The following PTPN13 variants were observed in gnomAD, a reference collection of about 807,000 sequenced individuals.
PTPN13 encodes tyrosine-protein phosphatase non-receptor type 13.
Under a neutral mutation model 284.0 loss-of-function variants are expected in PTPN13, and 191 were observed. The ratio of observed to expected loss-of-function variants is 0.67; its 90% CI spans 0.60 to 0.76. The LOEUF (loss-of-function observed/expected upper bound fraction) is 0.76. PTPN13 is among the 30% of genes least tolerant of loss of function. PTPN13 has a pLI of 0.00. For missense variants in PTPN13, 2,797 were observed against 2,939.9 expected (o/e 0.95, Z 1.12); for synonymous variants, 986 against 1,022.3 (o/e 0.96, Z 0.68).
chr4:86,780,255 C>T, intron 35 of PTPN13, 147 bp from the exon 36 acceptor site: 3 of 644,916 alleles, frequency 4.7e-6, no homozygotes, highest in South Asian at 1.8e-5. Flanking sequence ...AAAAAAATAG[C>T]TGGGCATGGT....
chr4:86,688,819 C>T (rs1729717854), intron 4 of PTPN13, among the ~76,000 whole-genome samples, 186 bp from the exon 5 acceptor site: 1 of 152,114 alleles, frequency 6.6e-6, no homozygotes, highest in Admixed American at 6.6e-5. Flanking sequence ...TAACTATCTT[C>T]TGCTAATATA....
intron 24 of PTPN13, among the ~76,000 whole-genome samples, chr4:86,764,385 T>A (rs1260139731): frequency 6.6e-6 from 1 of 152,162 alleles, no homozygotes; most frequent in Non-Finnish European, 1.5e-5. Context: ...TCTTCCAACC[T>A]TTATGTTCTT....
chr4:86,762,908 T>C lies in PTPN13; in HGVS notation c.3735T>C (p.Ser1245=). The C allele has an allele frequency of 6.2e-7, 1 of 1,613,144 alleles. No individual in the cohort carries two copies. The highest frequency in any genetic ancestry group is 8.5e-7 in the Non-Finnish European group (1 of 1,179,646). The change falls in exon 24 of 48, where the codon AGT becomes AGC. Residue 1245 remains serine (S), a synonymous_variant. Coordinates refer to ENST00000411767, the MANE Select transcript of PTPN13 (RefSeq NM_080683.3). ...PSGGLREGSL[S]SQDSRTESAS... ...GGGGCCTGCGGGAAGGAAGCCTGAG[T>C]TCTCAAGATTCCAGGACTGAGAGTG...
chr4:86,684,180 C>T (rs1292611533), intron 3 of PTPN13, among the ~76,000 whole-genome samples: 3 of 151,500 alleles, frequency 2.0e-5, no homozygotes, highest in Admixed American at 6.6e-5. Context: ...TAGTTAACTA[C>T]GTCATCAAAG....
intron 15 of PTPN13, among the ~76,000 whole-genome samples, chr4:86,738,084 T>G (rs1273754056): frequency 6.7e-6 from 1 of 149,638 alleles, no homozygotes; most frequent in East Asian, 2.1e-4. Flanking sequence ...GTTTCTTTTC[T>G]TTTTTTTTTC....
At chr4:86,784,582 A>G in intron 38 of PTPN13, 24 bp downstream of exon 38, 1 of 1,436,228 alleles carries the variant, frequency 7.0e-7, no homozygotes, top group South Asian at 1.2e-5. Context: ...TCAGTCATCT[A>G]ATTACTCTAA....
At chr4:86,774,256 T>G (rs1177569101) in intron 32 of PTPN13, 117 bp from the exon 33 acceptor site, 1 of 1,008,422 alleles carries the variant, frequency 9.9e-7, no homozygotes, top group Non-Finnish European at 1.4e-6. Context: ...CTTGGACAAG[T>G]TAAGTAACCT....
intron 2 of PTPN13, among the ~76,000 whole-genome samples, chr4:86,638,995 C>A (rs978072975): frequency 6.6e-6 from 1 of 151,908 alleles, no homozygotes; most frequent in African/African-American, 2.4e-5. Context: ...AAAAAAACAA[C>A]CCCATCAAAA....
chr4:86,765,182 G>C (rs938797991), intron 25 of PTPN13, among the ~76,000 whole-genome samples: 1 of 152,172 alleles, frequency 6.6e-6, no homozygotes, highest in Non-Finnish European at 1.5e-5. Context: ...AAGGTAGTCA[G>C]AATGTGAGCA....
intron 15 of PTPN13, among the ~76,000 whole-genome samples, chr4:86,737,403 T>C (rs1050828117): frequency 6.6e-6 from 1 of 151,998 alleles, no homozygotes; most frequent in Non-Finnish European, 1.5e-5. Context: ...TTGGAACTAG[T>C]CCATACTCAT....
chr4:86,714,433 A>T (rs985986880), intron 7 of PTPN13, among the ~76,000 whole-genome samples: 7 of 151,790 alleles, frequency 4.6e-5, no homozygotes, highest in African/African-American at 1.2e-4. Flanking sequence ...CCTTCAAAAC[A>T]TTTTTTTTAA....
intron 7 of PTPN13, among the ~76,000 whole-genome samples, chr4:86,707,368 T>A (rs1225541831): frequency 6.6e-6 from 1 of 152,226 alleles, no homozygotes; most frequent in Non-Finnish European, 1.5e-5. Flanking sequence ...GTGTGATCTC[T>A]GGTCCTAGCC....
chr4:86,775,583 G>A lies in PTPN13; in HGVS notation c.5822G>A (p.Gly1941Glu), dbSNP rs781408139. Reference protein sequence around the residue: ...IHYVNGVSTQGMTLEEVNRAL... With the variant: ...IHYVNGVSTQEMTLEEVNRAL... ...TATGTGAACGGAGTCAGCACACAAG[G>A]AATGACCTTGGAGGAAGTTAACAGA... Residue 1941 changes from glycine to glutamate, a missense_variant, in exon 35 of 48, where the codon GGA (glycine) becomes GAA (glutamate). Coordinates refer to ENST00000411767, the MANE Select transcript of PTPN13 (RefSeq NM_080683.3). The A allele has an allele frequency of 6.2e-7, 1 of 1,613,610 alleles. No individual in the cohort carries two copies. The highest frequency in any genetic ancestry group is 2.2e-5 in the East Asian group (1 of 44,864).
At chr4:86,615,945 A>C (rs1361218786) in intron 1 of PTPN13, among the ~76,000 whole-genome samples, 1 of 152,228 alleles carries the variant, frequency 6.6e-6, no homozygotes, top group African/African-American at 2.4e-5. Context: ...TCCAGCAGTA[A>C]TCTGATTTAC....
Position 86,732,662 on chromosome 4 carries a change from A to C in PTPN13, c.1754A>C (p.Glu585Ala). ...ATGCTTCTGAACGGGCAAAGACTGGAACTGACCTGTGATACCAAAACTATA... is the reference window on the plus strand; with the variant it reads ...ATGCTTCTGAACGGGCAAAGACTGGCACTGACCTGTGATACCAAAACTATA... ...NIMLLNGQRL[E>A]LTCDTKTICK... Residue 585 changes from glutamate (E) to alanine (A), a missense_variant, in exon 12 of 48, where the codon GAA (glutamate) becomes GCA (alanine). Glu to Ala is a moderately radical substitution (Grantham distance 107). Transcript: ENST00000411767. 1.2e-6 allele frequency: 2 copies of C among 1,613,690 alleles called. No homozygotes were observed. Among genetic ancestry groups the C allele is most frequent in the Non-Finnish European group, 1.7e-6 (2 of 1,179,696 alleles).
chr4:86,811,167 G>T, intron 47 of PTPN13, 59 bp downstream of exon 47: 2 of 1,491,028 alleles, frequency 1.3e-6, no homozygotes, highest in South Asian at 1.3e-5. Flanking sequence ...TATTTTTTAA[G>T]GTTCTTATTA....
Position 86,716,644 on chromosome 4 carries a change from A to G in PTPN13, c.1291+19A>G. 1 of 1,456,916 alleles carries G rather than the reference A, an allele frequency of 6.9e-7. No individual in the cohort carries two copies. Among genetic ancestry groups the G allele is most frequent in the Non-Finnish European group, 9.4e-7 (1 of 1,067,114 alleles). The allele number at this position is 1,456,916 out of a possible 1,614,324, so 90.2% of individuals were successfully genotyped here. ...AGACAAGGTAGGAGGCATCTGAAAC[A>G]AGCAAACTGTTTTTAAGAAACCACG... On this transcript the variant is annotated intron_variant, in intron 8 of 47. Transcript: ENST00000411767.
At chr4:86,758,095 T>G (rs999816971) in intron 20 of PTPN13, among the ~76,000 whole-genome samples, 165 bp from the exon 21 acceptor site, 1 of 152,178 alleles carries the variant, frequency 6.6e-6, no homozygotes, top group African/African-American at 2.4e-5. Context: ...AAATTATAAA[T>G]CACTATAAAA....
At chr4:86,728,273 G>A (rs937964994) in intron 10 of PTPN13, among the ~76,000 whole-genome samples, 1 of 149,626 alleles carries the variant, frequency 6.7e-6, no homozygotes, top group African/African-American at 2.4e-5. Context: ...ATGTGGTGCT[G>A]AGAAGAATGT....
Sources: allele counts gnomAD v4.1 joint callset (sites outside exome capture counted in the v4.1 genomes callset), GRCh38; gene constraint gnomAD v4.1.1; transcripts MANE v1.5; gene names NCBI Gene and HGNC (gene_info 2026-07-23, HGNC 2026-07-21).